Variants in MYO1D observed in about 807,000 individuals in gnomAD.
MYO1D encodes the protein myosin ID.
MYO1D carries 83 observed loss-of-function variants against 122.0 expected under a neutral mutation model. The observed-to-expected ratio is 0.68, with a 90% CI of 0.57 to 0.82. The LOEUF (loss-of-function observed/expected upper bound fraction) is 0.82, where lower values mean the gene tolerates loss of function less well. MYO1D is among the 40% of genes least tolerant of loss of function. The pLI is 0.00. For synonymous variants in MYO1D, 464 were observed against 446.9 expected (o/e 1.04, Z -0.48); for missense variants, 1,157 against 1,269.5 (o/e 0.91, Z 1.35).
At chr17:32,734,552 A>T (rs1383902297) in intron 14 of MYO1D, among the ~76,000 whole-genome samples, 4 of 152,146 alleles carry the variant, frequency 2.6e-5, no homozygotes, top group Non-Finnish European at 5.9e-5. Flanking sequence ...TTATTTTACA[A>T]AGGCAACAAA....
chr17:32,660,246 A>G (rs1009276590), intron 16 of MYO1D, among the ~76,000 whole-genome samples: 2 of 152,136 alleles, frequency 1.3e-5, no homozygotes, highest in Admixed American at 6.5e-5. Flanking sequence ...ATGCCCCAGT[A>G]TATTTATTGC....
At chr17:32,575,968 A>G (rs2150898206) in intron 21 of MYO1D, among the ~76,000 whole-genome samples, 1 of 152,306 alleles carries the variant, frequency 6.6e-6, no homozygotes, top group Middle Eastern at 3.4e-3. Context: ...GCCCTCATCT[A>G]AGAGATGTGA....
rs940579082 is a variant in MYO1D, at chr17:32,638,931, T to A, written c.2596-96A>T. The A allele has an allele frequency of 5.1e-6, 4 of 784,136 alleles. No homozygotes were observed. In the Admixed American group the frequency reaches 7.3e-5, roughly 14 times the overall value. 48.6% of individuals were successfully genotyped at this position (784,136 alleles called of 1,614,324 possible). A position where few individuals can be genotyped will look rare whatever the true frequency, so the allele number is the denominator to read the frequency against. ...CAAATTCTTTAATAGATGTGAACCATGTATGGCCACTCTACTGGATGCAAT... is the reference window on the plus strand; with the variant it reads ...CAAATTCTTTAATAGATGTGAACCAAGTATGGCCACTCTACTGGATGCAAT... On this transcript the variant is annotated intron_variant, in intron 19 of 21. Coordinates refer to ENST00000318217, the MANE Select transcript of MYO1D (RefSeq NM_015194.3).
At chr17:32,636,773 T>G (rs901925332) in intron 20 of MYO1D, among the ~76,000 whole-genome samples, 3 of 152,218 alleles carry the variant, frequency 2.0e-5, no homozygotes, top group African/African-American at 7.2e-5. Flanking sequence ...CCCACACTTA[T>G]CACACAATGA....
chr17:32,623,052 G>A (rs2087873388), intron 20 of MYO1D, among the ~76,000 whole-genome samples: 1 of 152,058 alleles, frequency 6.6e-6, no homozygotes. Flanking sequence ...GGCTATCAGA[G>A]GGGATGGTAA....
intron 19 of MYO1D, among the ~76,000 whole-genome samples, chr17:32,652,020 A>T (rs2088398127): frequency 6.6e-6 from 1 of 152,188 alleles, no homozygotes; most frequent in East Asian, 1.9e-4. Flanking sequence ...TACATACACA[A>T]TTGATTAATT....
At chr17:32,568,596 C>T (rs6505303) in intron 21 of MYO1D, among the ~76,000 whole-genome samples, 30,948 of 152,052 alleles carry the variant, frequency 0.2, 3,364 homozygotes, top group East Asian at 0.3. Flanking sequence ...AGTTAAAGGA[C>T]GCAGCTCTAT....
chr17:32,673,794 G>A (rs538776208), intron 16 of MYO1D, among the ~76,000 whole-genome samples: 3 of 152,304 alleles, frequency 2.0e-5, no homozygotes, highest in Non-Finnish European at 2.9e-5. Flanking sequence ...GATGCTCATC[G>A]ATAGTTCTTA....
chr17:32,715,827 C>A (rs1274171709), intron 15 of MYO1D, among the ~76,000 whole-genome samples: 1 of 152,162 alleles, frequency 6.6e-6, no homozygotes, highest in Non-Finnish European at 1.5e-5. Flanking sequence ...TACCCAGTTA[C>A]TAAAGCCAGG....
chr17:32,614,188 C>T (rs1427492593), intron 20 of MYO1D, among the ~76,000 whole-genome samples: 2 of 149,714 alleles, frequency 1.3e-5, no homozygotes, highest in African/African-American at 4.9e-5. Context: ...TTGGTTACTG[C>T]TCTCTACATA....
chr17:32,787,066 A>G (rs1250957795), intron 1 of MYO1D, among the ~76,000 whole-genome samples: 1 of 152,158 alleles, frequency 6.6e-6, no homozygotes. Context: ...GCATCATTTA[A>G]AAGGAGAAAT....
chr17:32,815,076 A>G (rs2090602418), intron 1 of MYO1D, among the ~76,000 whole-genome samples: 1 of 152,234 alleles, frequency 6.6e-6, no homozygotes. Flanking sequence ...TGTGCCTCCA[A>G]AGAACAGGAA....
intron 21 of MYO1D, chr17:32,510,237 T>C (rs903207787): frequency 6.6e-6 from 1 of 152,230 alleles, no homozygotes; most frequent in African/African-American, 2.4e-5. Context: ...GCGTGGAGCA[T>C]AGCCTCTGCA....
Position 32,638,755 on chromosome 17 carries a change from C to G in MYO1D, c.2676G>C (p.Gln892His). ...RHLYKMDPTK[Q>H]YKVMKTIPLY... ...GAGGGATAGTCTTCATCACCTTGTA[C>G]TGTTTAGTGGGATCCATTTTATACA... The change falls in exon 20 of 22, where the codon CAG becomes CAC. Residue 892 changes from glutamine (Q) to histidine (H), a missense_variant. By Grantham distance (24) the Gln-to-His change is conservative. Coordinates refer to ENST00000318217, the MANE Select transcript of MYO1D (RefSeq NM_015194.3). 1 of 1,613,718 alleles carries G rather than the reference C, an allele frequency of 6.2e-7. No individual in the cohort carries two copies. Among genetic ancestry groups the G allele is most frequent in the Admixed American group, 1.7e-5 (1 of 60,010 alleles).
chr17:32,818,796 C>T (rs1213415653), intron 1 of MYO1D, among the ~76,000 whole-genome samples: 1 of 152,178 alleles, frequency 6.6e-6, no homozygotes, highest in African/African-American at 2.4e-5. Flanking sequence ...ACTAAGTATG[C>T]AATAGGATAC....
intron 21 of MYO1D, 152 bp from the exon 22 acceptor site, chr17:32,495,067 G>T: frequency 1.0e-6 from 1 of 986,878 alleles, no homozygotes; most frequent in Non-Finnish European, 1.4e-6. Flanking sequence ...AGAGGCCGAG[G>T]CAAGGCGAGT....
At chr17:32,541,055 A>C (rs1324818354) in intron 21 of MYO1D, among the ~76,000 whole-genome samples, 1 of 152,204 alleles carries the variant, frequency 6.6e-6, no homozygotes, top group Non-Finnish European at 1.5e-5. Context: ...CAAAAAGTTA[A>C]AGATATGGTT....
At chr17:32,599,634 G>A (rs2087538587) in intron 21 of MYO1D, among the ~76,000 whole-genome samples, 1 of 152,036 alleles carries the variant, frequency 6.6e-6, no homozygotes. Context: ...GGCAGCTGTG[G>A]CCTTATGAAA....
At chr17:32,836,645 C>G (rs960023197) in intron 1 of MYO1D, among the ~76,000 whole-genome samples, 5 of 152,056 alleles carry the variant, frequency 3.3e-5, no homozygotes, top group Non-Finnish European at 7.4e-5. Context: ...TTGTGTGTGT[C>G]ACTAATTTGT....
Sources: gnomAD v4.1 joint callset for allele counts (sites outside exome capture counted in the v4.1 genomes callset) on GRCh38, gnomAD v4.1.1 for gene constraint, MANE v1.5 for transcripts, NCBI Gene and HGNC (gene_info 2026-07-23, HGNC 2026-07-21) for gene names.